The following KAZN variants were observed in gnomAD, a reference collection of about 807,000 sequenced individuals.
KAZN encodes kazrin.
Under a neutral mutation model 87.4 loss-of-function variants are expected in KAZN, and 40 were observed. The observed-to-expected ratio is 0.46, with a 90% CI of 0.36 to 0.60. KAZN has a LOEUF of 0.60. Ranked by LOEUF, KAZN falls within the 20% of genes least tolerant of loss-of-function variation. KAZN has a pLI of 0.00. For synonymous variants in KAZN, 466 were observed against 458.3 expected, an observed-to-expected ratio of 1.02 and a Z score of -0.22; for missense variants, 898 against 1,073.9, an observed-to-expected ratio of 0.84 and a Z score of 2.29.
chr1:14,740,663 C>T (rs151256505), intron 1 of KAZN, among the ~76,000 whole-genome samples: 1 of 152,180 alleles, frequency 6.6e-6, no homozygotes, highest in East Asian at 1.9e-4. Flanking sequence ...CGCCCGCACT[C>T]CCATCTCAGG....
chr1:14,754,251 GT>G lies in KAZN; in HGVS notation c.226+155029del, dbSNP rs535133781. On this transcript the variant is annotated intron_variant, in intron 1 of 14. Transcript: ENST00000376030. The stretch of plus-strand genomic sequence containing the variant: ...AAGACAATGATTTATGTGGGATACA[GT>G]GGGGAGGCCAGTGGAGGGATTTTGT... 1.0e-3 allele frequency among the ~76,000 whole-genome samples: 154 copies of G among 152,346 alleles called. 2 individuals carry two copies. The highest frequency in any genetic ancestry group is 1.3e-3 in the Non-Finnish European group (88 of 68,036).
intron 1 of KAZN, among the ~76,000 whole-genome samples, chr1:14,784,181 G>T (rs1572473315): frequency 6.6e-6 from 1 of 152,286 alleles, no homozygotes; most frequent in East Asian, 1.9e-4. Flanking sequence ...GGAAGCCTCA[G>T]CTCTGCTCCC....
intron 2 of KAZN, among the ~76,000 whole-genome samples, chr1:14,984,106 C>T (rs960659408): frequency 3.3e-5 from 5 of 152,054 alleles, no homozygotes; most frequent in African/African-American, 9.7e-5. Context: ...GTGACTCACA[C>T]CTGTAATCCA....
At chr1:14,849,459 A>T (rs1488905754) in intron 1 of KAZN, among the ~76,000 whole-genome samples, 7 of 152,176 alleles carry the variant, frequency 4.6e-5, no homozygotes, top group African/African-American at 1.7e-4. Flanking sequence ...GTCTCTTGTC[A>T]TGTGTGTGTT....
chr1:13,946,974 G>C (rs575494182), intron 1 of KAZN, among the ~76,000 whole-genome samples: 1 of 152,098 alleles, frequency 6.6e-6, no homozygotes. Flanking sequence ...CTGGAGGCTT[G>C]GGGGGAGAAT....
At chr1:14,298,723 G>C (rs116353903) in intron 2 of KAZN, among the ~76,000 whole-genome samples, 1,538 of 152,302 alleles carry the variant, frequency 0.01, 19 homozygotes, top group Admixed American at 0.017. Context: ...TTGGAAATGT[G>C]GGGGAGAGAG....
At chr1:14,532,341 T>C (rs1349704479) in intron 2 of KAZN, among the ~76,000 whole-genome samples, 1 of 152,086 alleles carries the variant, frequency 6.6e-6, no homozygotes, top group Non-Finnish European at 1.5e-5. Flanking sequence ...AGACAGGCAT[T>C]GGAGAGATGA....
intron 1 of KAZN, among the ~76,000 whole-genome samples, chr1:14,161,566 A>G (rs562825994): frequency 1.3e-5 from 2 of 152,334 alleles, no homozygotes; most frequent in South Asian, 4.1e-4. Flanking sequence ...TGAGAGCCAC[A>G]GGGTCTTTTA....
chr1:14,290,504 T>C (rs2105208), intron 2 of KAZN, among the ~76,000 whole-genome samples: 22,857 of 152,230 alleles, frequency 0.15, 3,307 homozygotes, highest in African/African-American at 0.38. Context: ...ATGTAGTTCT[T>C]GTGCCATGAT....
intron 1 of KAZN, among the ~76,000 whole-genome samples, chr1:14,628,892 G>A (rs987906564): frequency 6.1e-5 from 9 of 147,748 alleles, no homozygotes; most frequent in Admixed American, 1.4e-4. Flanking sequence ...TGTTGTCCAG[G>A]CTGGAGTGCA....
intron 1 of KAZN, among the ~76,000 whole-genome samples, chr1:14,755,838 C>CT (rs572879028): frequency 2.1e-4 from 32 of 152,322 alleles, no homozygotes; most frequent in African/African-American, 6.7e-4. Flanking sequence ...AATTCACCCA[C>CT]TTAGGAGAAA....
chr1:14,755,715 G>T (rs1644543745), intron 1 of KAZN, among the ~76,000 whole-genome samples: 1 of 152,190 alleles, frequency 6.6e-6, no homozygotes, highest in African/African-American at 2.4e-5. Context: ...TGTGCCCAGG[G>T]CTCCACGGGG....
At chr1:14,246,690 T>C (rs1649546261) in intron 2 of KAZN, among the ~76,000 whole-genome samples, 3 of 152,236 alleles carry the variant, frequency 2.0e-5, no homozygotes, top group Admixed American at 6.5e-5. Flanking sequence ...CTTACTGTTC[T>C]TTATAGTTTT....
chr1:14,559,824 A>C (rs1674145517), intron 2 of KAZN, among the ~76,000 whole-genome samples: 1 of 152,208 alleles, frequency 6.6e-6, no homozygotes, highest in Non-Finnish European at 1.5e-5. Flanking sequence ...TGTGACCTTG[A>C]TGAAGTCACT....
chr1:15,063,907 C>T (rs1639019124), intron 7 of KAZN, among the ~76,000 whole-genome samples: 1 of 152,198 alleles, frequency 6.6e-6, no homozygotes, highest in Non-Finnish European at 1.5e-5. Flanking sequence ...AGGATTTATG[C>T]CACTTCTGGA....
At chr1:13,986,058 ACT>A (rs1179608898) in intron 1 of KAZN, among the ~76,000 whole-genome samples, 1 of 152,172 alleles carries the variant, frequency 6.6e-6, no homozygotes, top group South Asian at 2.1e-4. Flanking sequence ...TCATATGGTA[ACT>A]CTGTTTAAAA....
intron 2 of KAZN, among the ~76,000 whole-genome samples, chr1:14,554,702 T>C (rs1557797036): frequency 1.3e-5 from 2 of 152,218 alleles, no homozygotes; most frequent in Non-Finnish European, 2.9e-5. Context: ...TTGGAGTCCA[T>C]GTTTTCATGA....
At chr1:14,684,464 C>T (rs1048979242) in intron 1 of KAZN, among the ~76,000 whole-genome samples, 11 of 152,196 alleles carry the variant, frequency 7.2e-5, no homozygotes, top group African/African-American at 2.7e-4. Flanking sequence ...CCTGTGGCTG[C>T]TGTGGCACAT....
At chr1:14,502,886 C>T (rs1670337139) in intron 2 of KAZN, among the ~76,000 whole-genome samples, 1 of 152,172 alleles carries the variant, frequency 6.6e-6, no homozygotes, top group South Asian at 2.1e-4. Flanking sequence ...GAGAGAGTTG[C>T]TCAATGACAC....
Sources: gnomAD v4.1 joint callset for allele counts (sites outside exome capture counted in the v4.1 genomes callset) on GRCh38, gnomAD v4.1.1 for gene constraint, MANE v1.5 for transcripts, NCBI Gene and HGNC (gene_info 2026-07-23, HGNC 2026-07-21) for gene names.